The following CCR5AS variants were observed in gnomAD, a reference collection of about 807,000 sequenced individuals.
CCR5AS encodes CCR5 antisense RNA.
chr3:46,384,868 GATAGATA>G (rs1207807189), intron 2 of CCR5AS, among the ~76,000 whole-genome samples: 5 of 52,036 alleles, frequency 9.6e-5, no homozygotes, highest in African/African-American at 2.3e-4. Context: ...TAGATAGATA[GATAGATA>G]GATAGATAGA....
intron 2 of CCR5AS, among the ~76,000 whole-genome samples, chr3:46,390,718 T>C (rs1225168844): frequency 6.6e-6 from 1 of 152,090 alleles, no homozygotes; most frequent in Non-Finnish European, 1.5e-5. Flanking sequence ...GGGAAGCAGA[T>C]AATTTGGTTA....
chr3:46,381,813 G>C (rs1376640347), intron 2 of CCR5AS, among the ~76,000 whole-genome samples: 1 of 152,230 alleles, frequency 6.6e-6, no homozygotes, highest in African/African-American at 2.4e-5. Context: ...GCAGGGACTT[G>C]AAAGTCAGAC....
At chr3:46,399,880 C>G (rs943679316) in intron 1 of CCR5AS, among the ~76,000 whole-genome samples, 1 of 152,142 alleles carries the variant, frequency 6.6e-6, no homozygotes. Context: ...GATAAAGTGA[C>G]AATTTGTCAC....
Position 46,379,897 on chromosome 3 carries a change from AAAATAAATAAATAAAT to A in CCR5AS, n.392-8496_392-8481del, listed in dbSNP as rs60485134. Among the ~76,000 whole-genome samples the A allele has an allele frequency of 6.9e-3, 1,013 of 146,500 alleles. 6 individuals carry two copies. Among genetic ancestry groups the A allele is most frequent in the Middle Eastern group, 0.021 (6 of 292 alleles). The stretch of plus-strand genomic sequence containing the variant: ...GGGTGACAGAGTGAGACTCTGTCTC[AAAATAAATAAATAAAT>A]AAATAAATAAATAAATAAATAAATA... On this transcript the variant is annotated intron_variant and non_coding_transcript_variant, in intron 2 of 3. Coordinates refer to ENST00000451485, the Ensembl canonical transcript of CCR5AS.
intron 3 of CCR5AS, among the ~76,000 whole-genome samples, chr3:46,365,617 C>T (rs753643209): frequency 6.6e-6 from 1 of 152,194 alleles, no homozygotes; most frequent in Admixed American, 6.5e-5. Flanking sequence ...TGCCACAGTC[C>T]ACTCTGTGTT....
chr3:46,380,929 A>T (rs571156709), intron 2 of CCR5AS, among the ~76,000 whole-genome samples: 1 of 149,034 alleles, frequency 6.7e-6, no homozygotes, highest in East Asian at 2.0e-4. Context: ...TTGTCTGAGC[A>T]AGACTTTGCC....
intron 2 of CCR5AS, chr3:46,372,901 A>G: frequency 6.3e-7 from 1 of 1,575,248 alleles, no homozygotes; most frequent in Non-Finnish European, 8.6e-7. Flanking sequence ...GGGTGGAACA[A>G]GATGGATTAT....
chr3:46,370,658 C>T (rs142710698), intron 3 of CCR5AS, among the ~76,000 whole-genome samples: 63 of 152,214 alleles, frequency 4.1e-4, no homozygotes, highest in Admixed American at 6.5e-4. Context: ...TGTAAATGTT[C>T]TTCTAGCTCT....
intron 2 of CCR5AS, among the ~76,000 whole-genome samples, chr3:46,392,587 G>A (rs184044001): frequency 4.9e-4 from 74 of 152,216 alleles, no homozygotes; most frequent in Non-Finnish European, 5.6e-4. Context: ...GCATCCCCCC[G>A]GTGATCAGAC....
chr3:46,404,763 T>C (rs766998509), intron 1 of CCR5AS, among the ~76,000 whole-genome samples: 11 of 152,250 alleles, frequency 7.2e-5, no homozygotes, highest in Non-Finnish European at 1.5e-4. Flanking sequence ...TACAATTTAC[T>C]TGAGCTCTGT....
rs184985767 is a variant in CCR5AS, at chr3:46,372,893, G to C, written n.392-1476C>G. 7,011 of 1,561,616 alleles carry C rather than the reference G, an allele frequency of 4.5e-3. 32 individuals carry two copies. Among genetic ancestry groups the C allele is most frequent in the South Asian group, 6.0e-3 (495 of 82,318 alleles). On this transcript the variant is annotated intron_variant and non_coding_transcript_variant, in intron 2 of 3. Coordinates refer to ENST00000451485, the Ensembl canonical transcript of CCR5AS. ...AGATCACTTTTTATTTATGCACAGG[G>C]TGGAACAAGATGGATTATCAAGTGT...
chr3:46,384,855 TGATAGATAGATAGATA>T (rs72247341), intron 2 of CCR5AS, among the ~76,000 whole-genome samples: 12,407 of 144,058 alleles, frequency 0.086, 655 homozygotes, highest in Admixed American at 0.16. Flanking sequence ...GGTACATAGA[TGATAGATAGATAGATA>T]GATAGATAGA....
At chr3:46,369,115 G>A (rs1386683245) in intron 3 of CCR5AS, among the ~76,000 whole-genome samples, 2 of 152,024 alleles carry the variant, frequency 1.3e-5, no homozygotes, top group Non-Finnish European at 2.9e-5. Context: ...ACAGTCCCCC[G>A]AGGGTGGGTG....
intron 1 of CCR5AS, among the ~76,000 whole-genome samples, chr3:46,399,293 C>T (rs965080685): frequency 6.6e-6 from 1 of 152,174 alleles, no homozygotes; most frequent in Non-Finnish European, 1.5e-5. Context: ...GATGCATTAG[C>T]TGCCCCAGCA....
intron 3 of CCR5AS, among the ~76,000 whole-genome samples, chr3:46,369,248 T>A (rs1412309758): frequency 6.6e-6 from 1 of 152,196 alleles, no homozygotes; most frequent in Non-Finnish European, 1.5e-5. Flanking sequence ...AGAGCTTCAA[T>A]AATTTGGTCA....
At chr3:46,397,044 G>T (rs1701966444) in intron 1 of CCR5AS, among the ~76,000 whole-genome samples, 2 of 152,180 alleles carry the variant, frequency 1.3e-5, no homozygotes, top group South Asian at 2.1e-4. Context: ...AACCTGAAAA[G>T]CAGACATTAG....
intron 2 of CCR5AS, chr3:46,373,166 C>G: frequency 6.2e-7 from 1 of 1,614,108 alleles, no homozygotes; most frequent in Non-Finnish European, 8.5e-7. Context: ...TCTGGGCTCA[C>G]TATGCTGCCG....
intron 2 of CCR5AS, among the ~76,000 whole-genome samples, chr3:46,391,761 T>C (rs1701916002): frequency 6.6e-6 from 1 of 151,462 alleles, no homozygotes; most frequent in Non-Finnish European, 1.5e-5. Context: ...TGACCAAAGG[T>C]TTATAGGGTA....
At chr3:46,384,858 TAGATAG>T (rs1327676800) in intron 2 of CCR5AS, among the ~76,000 whole-genome samples, 1 of 1,466 alleles carries the variant, frequency 6.8e-4, no homozygotes, top group African/African-American at 7.4e-4. Flanking sequence ...ACATAGATGA[TAGATAG>T]ATAGATAGAT....
Sources: gnomAD v4.1 joint callset for allele counts (sites outside exome capture counted in the v4.1 genomes callset) on GRCh38, gnomAD v4.1.1 for gene constraint, MANE v1.5 for transcripts, NCBI Gene and HGNC (gene_info 2026-07-23, HGNC 2026-07-21) for gene names.